MED22: variants seen among roughly 807,000 people sequenced by gnomAD.
MED22 encodes mediator of RNA polymerase II transcription subunit 22.
A neutral mutation model predicts 22.7 loss-of-function variants in MED22; 22 were observed. That is an observed-to-expected ratio of 0.97 (90% CI 0.69 to 1.38). The LOEUF is 1.38. Among genes scored for constraint, MED22 ranks in the 40% most tolerant of loss-of-function variants. The pLI is 0.00. For missense variants in MED22, 247 were observed against 263.0 expected (o/e 0.94, Z 0.42); for synonymous variants, 134 against 119.4 (o/e 1.12, Z -0.80).
chr9:133,342,546 C>A (rs931035324), intron 4 of MED22: 38 of 985,612 alleles, frequency 3.9e-5, no homozygotes, highest in Non-Finnish European at 4.6e-5. Context: ...GCAGCTCATG[C>A]GGAACAGGGC....
In MED22 at chr9:133,338,890, A is replaced by G. The variant is rs1448764502; in HGVS notation, c.*2615T>C. On this transcript the variant is annotated 3_prime_UTR_variant, in exon 5 of 5. Transcript: ENST00000343730. ...ACTGGGCCTGACCTGGTCCTGTTTT[A>G]GATTTTAAGACTCCAAAATAACAAC... The G allele has an allele frequency of 4.1e-6, 2 of 484,682 alleles. No homozygotes were observed. Among genetic ancestry groups the G allele is most frequent in the East Asian group, 1.1e-4 (2 of 18,182 alleles). The allele number at this position is 484,682 out of a possible 1,614,324, so 30.0% of individuals were successfully genotyped here. A position where few individuals can be genotyped will look rare whatever the true frequency, so the allele number is the denominator to read the frequency against.
chr9:133,342,641 G>A, intron 4 of MED22: 4 of 986,140 alleles, frequency 4.1e-6, no homozygotes, highest in Non-Finnish European at 4.8e-6. Context: ...TCGCTTAAAG[G>A]CAATGTACAG....
intron 4 of MED22, 137 bp from the exon 5 acceptor site, chr9:133,341,831 G>C (rs1836015022): frequency 7.0e-7 from 1 of 1,422,436 alleles, no homozygotes; most frequent in East Asian, 3.0e-5. Context: ...CTCCACTCCT[G>C]CTCCATCTGT....
At chr9:133,343,428 G>A (rs2129956696) in intron 4 of MED22, 130 of 1,223,084 alleles carry the variant, frequency 1.1e-4, no homozygotes, top group Non-Finnish European at 1.3e-4. Context: ...CAGCTCAAAC[G>A]GTCGAAGGTT....
chr9:133,344,876 G>A (rs2129963035), intron 3 of MED22, among the ~76,000 whole-genome samples: 1 of 152,324 alleles, frequency 6.6e-6, no homozygotes, highest in South Asian at 2.1e-4. Context: ...TTAGCAGGAA[G>A]GGCTACCCTC....
In MED22 at chr9:133,346,798, C is replaced by T. The variant is rs960888134; in HGVS notation, c.-38-98G>A. Reference sequence around the variant, plus strand: ...GAACACGCAGATTTCTGGGGATTCCCTTTCTGCCAAATAAAGTCAATCACT... The same window carrying T: ...GAACACGCAGATTTCTGGGGATTCCTTTTCTGCCAAATAAAGTCAATCACT... On this transcript the variant is annotated intron_variant, in intron 1 of 4. Coordinates refer to ENST00000343730, the MANE Select transcript of MED22 (RefSeq NM_133640.5). 9.3e-6 allele frequency: 10 copies of T among 1,079,060 alleles called. No homozygotes were observed. The South Asian group carries it at 1.5e-4, about 16-fold the overall frequency. 66.8% of individuals were successfully genotyped at this position (1,079,060 alleles called of 1,614,324 possible).
Position 133,348,129 on chromosome 9 carries a change from A to G in MED22, c.-246T>C. The G allele has an allele frequency of 7.0e-7, 1 of 1,435,052 alleles. No individual in the cohort carries two copies. Among genetic ancestry groups the G allele is most frequent in the Non-Finnish European group, 9.8e-7 (1 of 1,018,728 alleles). 88.9% of individuals were successfully genotyped at this position (1,435,052 alleles called of 1,614,324 possible). On this transcript the variant is annotated 5_prime_UTR_variant, in exon 1 of 5. Coordinates refer to ENST00000343730, the MANE Select transcript of MED22 (RefSeq NM_133640.5). ...CCGCCTCGATTTTTAGCTTTATAGG[A>G]ATGCTGTTGCTTTAAATCCGAAATC...
chr9:133,339,126 G>T lies in MED22; in HGVS notation c.*2379C>A. The T allele has an allele frequency of 1.5e-6, 1 of 674,268 alleles. No homozygotes were observed. Among genetic ancestry groups the T allele is most frequent in the East Asian group, 3.1e-5 (1 of 32,700 alleles). The allele number at this position is 674,268 out of a possible 1,614,324, so 41.8% of individuals were successfully genotyped here. On this transcript the variant is annotated 3_prime_UTR_variant, in exon 5 of 5. Coordinates refer to ENST00000343730, the MANE Select transcript of MED22 (RefSeq NM_133640.5). ...GATATTGTAGATATCAAGGGAATGGGTACTGTTCAAAAAGGAATGCCCCAC... is the reference window on the plus strand; with the variant it reads ...GATATTGTAGATATCAAGGGAATGGTTACTGTTCAAAAAGGAATGCCCCAC...
chr9:133,346,801 T>G (rs1836199164), intron 1 of MED22, 101 bp from the exon 2 acceptor site: 9 of 1,066,714 alleles, frequency 8.4e-6, no homozygotes, highest in Non-Finnish European at 1.2e-5. Context: ...GGATTCCCTT[T>G]CTGCCAAATA....
chr9:133,338,749 A>T lies in MED22; in HGVS notation c.*2756T>A, dbSNP rs915314852. The T allele has an allele frequency of 6.2e-6, 2 of 325,138 alleles. No individual in the cohort carries two copies. Among genetic ancestry groups the T allele is most frequent in the Non-Finnish European group, 1.2e-5 (2 of 165,550 alleles). The allele number at this position is 325,138 out of a possible 1,614,324, so 20.1% of individuals were successfully genotyped here. A position where few individuals can be genotyped will look rare whatever the true frequency, so the allele number is the denominator to read the frequency against. ...AAGCCACCGCGCCCGGCCGATTTCT[A>T]TACTTTTTAGTAGAGACGGGGTTTC... On this transcript the variant is annotated 3_prime_UTR_variant, in exon 5 of 5. Transcript: ENST00000343730.
rs1835959543 is a variant in MED22 at position 133,339,414 on chromosome 9, T to C, written c.*2091A>G. 8.9e-6 allele frequency: 7 copies of C among 786,746 alleles called. No homozygotes were observed. The South Asian group carries it at 9.4e-5, about 11-fold the overall frequency. The allele number at this position is 786,746 out of a possible 1,614,324, so 48.7% of individuals were successfully genotyped here. ...CAGAGCAGCACACTGTGAGAACCAA[T>C]GGGAAGGAGCCTGAGCTGCTGGAAC... On this transcript the variant is annotated 3_prime_UTR_variant, in exon 5 of 5. Coordinates refer to ENST00000343730, the MANE Select transcript of MED22 (RefSeq NM_133640.5).
Position 133,339,274 on chromosome 9 carries a change from A to G in MED22, c.*2231T>C, listed in dbSNP as rs1835956228. ...ATGAATGTGCATATTCAGCACACTA[A>G]GCACTCTAAGAGCCGAGAGAGCTTC... is the stretch of plus-strand genomic sequence containing the variant. On this transcript the variant is annotated 3_prime_UTR_variant, in exon 5 of 5. Transcript: ENST00000343730. 7.1e-6 allele frequency: 5 copies of G among 705,798 alleles called. No individual in the cohort carries two copies. Among genetic ancestry groups the G allele is most frequent in the Admixed American group, 5.3e-5 (3 of 56,428 alleles). The allele number at this position is 705,798 out of a possible 1,614,324, so 43.7% of individuals were successfully genotyped here.
chr9:133,345,886 T>C (rs2129966558), intron 2 of MED22, among the ~76,000 whole-genome samples: 1 of 152,330 alleles, frequency 6.6e-6, no homozygotes, highest in Admixed American at 6.5e-5. Flanking sequence ...CAGCCAGTTG[T>C]GAGCTGAGTG....
rs1835965432 is a variant in MED22, at chr9:133,339,849, G to C, written c.*1656C>G. 6.4e-6 allele frequency: 1 copy of C among 155,048 alleles called. No homozygotes were observed. Among genetic ancestry groups the C allele is most frequent in the African/African-American group, 2.4e-5 (1 of 41,436 alleles). 9.6% of individuals were successfully genotyped at this position (155,048 alleles called of 1,614,324 possible). On this transcript the variant is annotated 3_prime_UTR_variant, in exon 5 of 5. Transcript: ENST00000343730. ...AATGGTTATCAGCTGCTTCCCCGTG[G>C]AGCTCTGCTGCCAAGGCCATGAGCT...
chr9:133,344,124 C>A lies in MED22; in HGVS notation c.413+1G>T, dbSNP rs1194668724. On this transcript the variant is annotated splice_donor_variant, in intron 4 of 4. Transcript: ENST00000343730. LOFTEE classifies it high-confidence loss of function. Reference sequence around the variant, plus strand: ...CATGGGGAGTCCAGCGCTATTTATACCTGGACGAGTAATACTCCTCCTCCA... The same window carrying A: ...CATGGGGAGTCCAGCGCTATTTATAACTGGACGAGTAATACTCCTCCTCCA... 1.2e-5 allele frequency: 19 copies of A among 1,614,000 alleles called. No individual in the cohort carries two copies. Among genetic ancestry groups the A allele is most frequent in the Non-Finnish European group, 1.5e-5 (18 of 1,180,034 alleles).
At chr9:133,342,099 C>G (rs1836022565) in intron 4 of MED22, 1 of 1,054,704 alleles carries the variant, frequency 9.5e-7, no homozygotes, top group South Asian at 2.8e-5. Flanking sequence ...CACTACACTG[C>G]AAAGAGCTCT....
Position 133,338,879 on chromosome 9 carries a change from G to C in MED22, c.*2626C>G. ...CAGCAGGAGCCACTGGGCCTGACCT[G>C]GTCCTGTTTTAGATTTTAAGACTCC... On this transcript the variant is annotated 3_prime_UTR_variant, in exon 5 of 5. Coordinates refer to ENST00000343730, the MANE Select transcript of MED22 (RefSeq NM_133640.5). The C allele has an allele frequency of 2.1e-6, 1 of 470,444 alleles. No individual in the cohort carries two copies. Among genetic ancestry groups the C allele is most frequent in the Non-Finnish European group, 4.2e-6 (1 of 239,662 alleles). The allele number at this position is 470,444 out of a possible 1,614,324, so 29.1% of individuals were successfully genotyped here.
rs938899215 is a variant in MED22 at position 133,340,140 on chromosome 9, G to A, written c.*1365C>T. ...ACAAGGCATTTCCACAGCTAAAATA[G>A]TGCGGGAACAGATCACCACACGTAT... On this transcript the variant is annotated 3_prime_UTR_variant, in exon 5 of 5. Transcript: ENST00000343730. The A allele has an allele frequency of 1.3e-5, 2 of 152,208 alleles. No homozygotes were observed. The highest frequency in any genetic ancestry group is 2.4e-5 in the African/African-American group (1 of 41,430). 9.4% of individuals were successfully genotyped at this position (152,208 alleles called of 1,614,324 possible). A position where few individuals can be genotyped will look rare whatever the true frequency, so the allele number is the denominator to read the frequency against.
chr9:133,346,799 T>C (rs1836199085), intron 1 of MED22, 99 bp from the exon 2 acceptor site: 3 of 1,073,352 alleles, frequency 2.8e-6, no homozygotes, highest in South Asian at 3.3e-5. Context: ...GGGGATTCCC[T>C]TTCTGCCAAA....
Sources: gnomAD v4.1 joint callset for allele counts (sites outside exome capture counted in the v4.1 genomes callset) on GRCh38, gnomAD v4.1.1 for gene constraint, MANE v1.5 for transcripts, NCBI Gene and HGNC (gene_info 2026-07-23, HGNC 2026-07-21) for gene names.